The following NAALADL2 variants were observed in gnomAD, a reference collection of about 807,000 sequenced individuals.
NAALADL2 encodes N-acetylated alpha-linked acidic dipeptidase like 2, also known as inactive N-acetylated-alpha-linked acidic dipeptidase-like protein 2.
A neutral mutation model predicts 87.2 loss-of-function variants in NAALADL2; 76 were observed. The ratio of observed to expected loss-of-function variants is 0.87; its 90% CI spans 0.72 to 1.05. The LOEUF (loss-of-function observed/expected upper bound fraction) is 1.05. Ranked by LOEUF, NAALADL2 falls within the 50% of genes least tolerant of loss-of-function variation. The pLI, the probability that NAALADL2 is intolerant of heterozygous loss-of-function variation, is 0.00. For missense variants in NAALADL2, 1,089 were observed against 945.8 expected (o/e 1.15, Z -1.99); for synonymous variants, 354 against 331.0 (o/e 1.07, Z -0.75).
intron 2 of NAALADL2, among the ~76,000 whole-genome samples, chr3:175,192,697 A>G (rs1246048973): frequency 6.6e-6 from 1 of 152,062 alleles, no homozygotes; most frequent in Non-Finnish European, 1.5e-5. Flanking sequence ...AATGATGACT[A>G]ACAACGATGT....
chr3:174,518,611 G>A (rs1393635077), intron 1 of NAALADL2, among the ~76,000 whole-genome samples: 1 of 152,060 alleles, frequency 6.6e-6, no homozygotes, highest in Admixed American at 6.6e-5. Flanking sequence ...AACATGACCT[G>A]TAAGACCCTT....
intron 2 of NAALADL2, among the ~76,000 whole-genome samples, chr3:175,160,169 T>C (rs16824362): frequency 0.11 from 16,552 of 151,700 alleles, 1,023 homozygotes; most frequent in Admixed American, 0.15. Flanking sequence ...TAAAGTGATA[T>C]TCACTTGCAC....
chr3:174,929,139 G>A (rs1453640322), intron 1 of NAALADL2, among the ~76,000 whole-genome samples: 2 of 152,138 alleles, frequency 1.3e-5, no homozygotes, highest in Non-Finnish European at 2.9e-5. Flanking sequence ...TCCAAGGAGG[G>A]GCACAGTTTA....
At chr3:175,511,543 C>G (rs1007160590) in intron 9 of NAALADL2, among the ~76,000 whole-genome samples, 2 of 152,204 alleles carry the variant, frequency 1.3e-5, no homozygotes, top group African/African-American at 4.8e-5. Flanking sequence ...ACATGTTGAT[C>G]TTGGACGACT....
intron 13 of NAALADL2, among the ~76,000 whole-genome samples, chr3:175,782,057 AG>A (rs1187951073): frequency 1.3e-5 from 2 of 150,840 alleles, no homozygotes; most frequent in Non-Finnish European, 3.0e-5. Flanking sequence ...ATGGCTGCAT[AG>A]TATTCCATGG....
At chr3:175,190,824 A>C (rs1738048411) in intron 2 of NAALADL2, among the ~76,000 whole-genome samples, 1 of 151,704 alleles carries the variant, frequency 6.6e-6, no homozygotes, top group Non-Finnish European at 1.5e-5. Context: ...AAAATACAAA[A>C]AAAATTAGCC....
At chr3:175,599,504 C>T (rs1455808430) in intron 10 of NAALADL2, among the ~76,000 whole-genome samples, 1 of 152,108 alleles carries the variant, frequency 6.6e-6, no homozygotes, top group Non-Finnish European at 1.5e-5. Context: ...GAGTTCTCAG[C>T]TTCTGCCCTA....
chr3:175,466,925 T>A (rs1039828944), intron 7 of NAALADL2, 54 bp from the exon 8 acceptor site: 6 of 1,358,768 alleles, frequency 4.4e-6, no homozygotes, highest in Non-Finnish European at 6.3e-6. Flanking sequence ...GTCATTAAAT[T>A]TATTGTTAAG....
chr3:174,944,115 G>A (rs1739033974), intron 1 of NAALADL2, among the ~76,000 whole-genome samples: 2 of 152,122 alleles, frequency 1.3e-5, no homozygotes, highest in South Asian at 4.1e-4. Flanking sequence ...AGTACCTGGA[G>A]GTATCACCAG....
At chr3:174,822,967 G>A (rs1721592867) in intron 3 of NAALADL2, among the ~76,000 whole-genome samples, 2 of 152,140 alleles carry the variant, frequency 1.3e-5, no homozygotes. Context: ...AATAAAGATT[G>A]AAGAACACCA....
intron 3 of NAALADL2, among the ~76,000 whole-genome samples, chr3:174,838,192 T>C (rs1408572792): frequency 1.3e-5 from 2 of 151,994 alleles, no homozygotes; most frequent in Non-Finnish European, 2.9e-5. Flanking sequence ...GTTTAACATA[T>C]GCAAGTCAAT....
At chr3:175,573,408 TA>T (rs1718380815) in intron 9 of NAALADL2, among the ~76,000 whole-genome samples, 1 of 152,170 alleles carries the variant, frequency 6.6e-6, no homozygotes, top group Non-Finnish European at 1.5e-5. Flanking sequence ...ATTAATGACA[TA>T]AAATGGTGCA....
chr3:174,765,143 C>CACACGA (rs150906568), intron 3 of NAALADL2, among the ~76,000 whole-genome samples: 1 of 124,552 alleles, frequency 8.0e-6, no homozygotes, highest in African/African-American at 3.4e-5. Flanking sequence ...CACACACACA[C>CACACGA]GAGAGAGAGA....
intron 2 of NAALADL2, among the ~76,000 whole-genome samples, chr3:174,709,470 C>G (rs180986491): frequency 2.0e-5 from 3 of 152,186 alleles, no homozygotes; most frequent in Non-Finnish European, 4.4e-5. Flanking sequence ...AGGCCTAACA[C>G]TGAAAAACAA....
intron 5 of NAALADL2, among the ~76,000 whole-genome samples, chr3:175,375,488 A>G (rs1407061035): frequency 1.3e-5 from 2 of 152,108 alleles, no homozygotes; most frequent in African/African-American, 4.8e-5. Context: ...TTGGAGCTCT[A>G]TTATTATGTG....
At chr3:175,384,900 A>G (rs905437014) in intron 5 of NAALADL2, among the ~76,000 whole-genome samples, 3 of 151,964 alleles carry the variant, frequency 2.0e-5, no homozygotes, top group Admixed American at 2.0e-4. Context: ...TAGAGAATGC[A>G]GTGTTTTTTT....
chr3:175,097,305 A>C lies in NAALADL2; in HGVS notation c.545+14A>C. On this transcript the variant is annotated intron_variant, in intron 2 of 13. Transcript: ENST00000454872. ...GAAGTCTTTCAGGTAGGTGAAGAAGAAACAGATGTTGTTTGAATGCATTTC... is the reference window on the plus strand; with the variant it reads ...GAAGTCTTTCAGGTAGGTGAAGAAGCAACAGATGTTGTTTGAATGCATTTC... The C allele has an allele frequency of 6.3e-7, 1 of 1,594,864 alleles. No homozygotes were observed. Among genetic ancestry groups the C allele is most frequent in the East Asian group, 2.2e-5 (1 of 44,728 alleles).
At chr3:175,332,633 C>G (rs1429714850) in intron 5 of NAALADL2, among the ~76,000 whole-genome samples, 1 of 152,118 alleles carries the variant, frequency 6.6e-6, no homozygotes, top group African/African-American at 2.4e-5. Flanking sequence ...TTTGTTGAGA[C>G]GTGTGTTGTG....
chr3:175,014,770 T>C (rs1416355238), intron 1 of NAALADL2, among the ~76,000 whole-genome samples: 1 of 152,146 alleles, frequency 6.6e-6, no homozygotes, highest in Non-Finnish European at 1.5e-5. Context: ...TTGAAATCCA[T>C]AACACTTAAA....
Sources: allele counts gnomAD v4.1 joint callset (sites outside exome capture counted in the v4.1 genomes callset), GRCh38; gene constraint gnomAD v4.1.1; transcripts MANE v1.5; gene names NCBI Gene and HGNC (gene_info 2026-07-23, HGNC 2026-07-21).